The following FBXO5 variants were observed in gnomAD, a reference collection of about 807,000 sequenced individuals.
The protein encoded by FBXO5 is F-box only protein 5.
A neutral mutation model predicts 43.3 loss-of-function variants in FBXO5; 8 were observed. The ratio of observed to expected loss-of-function variants is 0.18; its 90% confidence interval spans 0.11 to 0.33. The LOEUF (loss-of-function observed/expected upper bound fraction) is 0.33, where lower values mean the gene tolerates loss of function less well. Among genes scored for constraint, FBXO5 ranks in the 10% least tolerant of loss-of-function variants. The pLI, the probability that FBXO5 is intolerant of heterozygous loss-of-function variation, is 1.00. For missense variants in FBXO5, 491 were observed against 535.7 expected, an observed-to-expected ratio of 0.92 and a Z score of 0.82; for synonymous variants, 204 against 193.7, an observed-to-expected ratio of 1.05 and a Z score of -0.44.
At chr6:152,971,602 C>CT (rs1778088186) in intron 4 of FBXO5, among the ~76,000 whole-genome samples, 188 bp from the exon 5 acceptor site, 4 of 152,034 alleles carry the variant, frequency 2.6e-5, no homozygotes, top group Admixed American at 1.3e-4. Flanking sequence ...TCAATAAATG[C>CT]TTTTTGAATA....
At position 152,982,941 on chromosome 6, in the gene FBXO5, T is replaced by A. The variant is rs894422641; in HGVS notation, c.19A>T (p.Ser7Cys). The A allele has an allele frequency of 7.0e-7, 1 of 1,429,830 alleles. No individual in the cohort carries two copies. The highest frequency in any genetic ancestry group is 9.1e-7 in the Non-Finnish European group (1 of 1,101,554). 88.6% of individuals were successfully genotyped at this position (1,429,830 alleles called of 1,614,324 possible). Residue 7 changes from serine (S) to cysteine (C), a missense_variant, in exon 1 of 5, where the codon AGC becomes TGC. Transcript: ENST00000229758. ...CAGCGGGGTGGCCGTAGGGCGCAGCTGCAGGGGCGCCGGCTCATGCCAGCC... is the reference window on the plus strand; with the variant it reads ...CAGCGGGGTGGCCGTAGGGCGCAGCAGCAGGGGCGCCGGCTCATGCCAGCC... MSRRPC[S>C]CALRPPRCSC...
At chr6:152,982,796 A>ACCC in intron 1 of FBXO5, 61 bp downstream of exon 1, 2 of 1,204,318 alleles carry the variant, frequency 1.7e-6, no homozygotes, top group South Asian at 3.2e-5. Flanking sequence ...TCAGGCTGCG[A>ACCC]CCCTCCCCGT....
Position 152,974,990 on chromosome 6 carries a change from A to G in FBXO5, c.735T>C (p.Asp245=), listed in dbSNP as rs1778142712. 1 of 1,613,922 alleles carries G rather than the reference A, an allele frequency of 6.2e-7. No individual in the cohort carries two copies. Among genetic ancestry groups the G allele is most frequent in the Admixed American group, 1.7e-5 (1 of 59,988 alleles). The change falls in exon 2 of 5, where the codon GAT becomes GAC. Residue 245 remains aspartate, a synonymous_variant. Coordinates refer to ENST00000229758, the MANE Select transcript of FBXO5 (RefSeq NM_012177.5). Reference sequence around the variant, plus strand: ...CCCTTCGAAAGAGTTCGCTGAGAATATCTACACATTCTAGGCCCATTTTTC... The same window carrying G: ...CCCTTCGAAAGAGTTCGCTGAGAATGTCTACACATTCTAGGCCCATTTTTC... ...IGRKMGLECV[D]ILSELFRRGL...
intron 2 of FBXO5, 23 bp downstream of exon 2, chr6:152,974,884 T>C (rs950613626): frequency 2.6e-6 from 4 of 1,532,266 alleles, no homozygotes; most frequent in Admixed American, 2.0e-5. Context: ...TATGCTAATA[T>C]GTATATTCAA....
Position 152,972,266 on chromosome 6 carries a change from A to T in FBXO5, c.1092+6T>A, listed in dbSNP as rs188568486. ...TTTTAAGATTTATGATTAGACAAAAAATTACCTCAGAGAATTCATTGTGTC... is the reference window on the plus strand; with the variant it reads ...TTTTAAGATTTATGATTAGACAAAATATTACCTCAGAGAATTCATTGTGTC... On this transcript the variant is annotated splice_donor_region_variant and intron_variant, in intron 4 of 4. Coordinates refer to ENST00000229758, the MANE Select transcript of FBXO5 (RefSeq NM_012177.5). 6.7e-3 allele frequency: 10,689 copies of T among 1,597,198 alleles called. 330 individuals carry two copies. In the South Asian group the frequency reaches 0.072, roughly 11 times the overall value.
chr6:152,975,647 T>A (rs1562291410), intron 1 of FBXO5, 26 bp from the exon 2 acceptor site: 1 of 1,468,932 alleles, frequency 6.8e-7, no homozygotes, highest in Non-Finnish European at 9.1e-7. Context: ...AACATTTACA[T>A]CTTAATGGCA....
At chr6:152,981,738 T>C (rs1283943987) in intron 1 of FBXO5, among the ~76,000 whole-genome samples, 1 of 151,864 alleles carries the variant, frequency 6.6e-6, no homozygotes, top group Non-Finnish European at 1.5e-5. Flanking sequence ...CTTCTAGAAA[T>C]ATATTTAATC....
chr6:152,983,237 C>G (rs925898326), upstream of FBXO5: 6 of 340,358 alleles, frequency 1.8e-5, no homozygotes, highest in Admixed American at 9.7e-5. Context: ...AGCTTACCGG[C>G]TCCCCACGTC....
Position 152,971,338 on chromosome 6 carries a change from T to C in FBXO5, c.1169A>G (p.Tyr390Cys), listed in dbSNP as rs145569691. ...TCGTTTGCAGGTTGCCCGTTGTAAA[T>C]AGCAATCATATTTTGCAGGTGAATT... ...RCNSPAKYDC[Y>C]LQRATCKREG... is the part of the protein sequence containing the mutation. The change falls in exon 5 of 5, where the codon TAT (tyrosine) becomes TGT (cysteine). Residue 390 changes from tyrosine (Y) to cysteine (C), a missense_variant. Transcript: ENST00000229758. 1.2e-4 allele frequency: 195 copies of C among 1,613,884 alleles called. 2 individuals are homozygous for C. The highest frequency in any genetic ancestry group is 3.3e-5 in the Non-Finnish European group (39 of 1,179,952).
Position 152,971,270 on chromosome 6 carries a change from A to G in FBXO5, c.1237T>C (p.Tyr413His). The G allele has an allele frequency of 6.2e-7, 1 of 1,614,098 alleles. No individual in the cohort carries two copies. Among genetic ancestry groups the G allele is most frequent in the Non-Finnish European group, 8.5e-7 (1 of 1,179,962 alleles). ...FDYCTKCLCN[Y>H]HTTKDCSDGK... ...TCTGAACAGTCTTTAGTAGTATGAT[A>G]ATTACAGAGACACTTCGTACAATAA... Residue 413 changes from tyrosine to histidine, a missense_variant, in exon 5 of 5, where the codon TAT becomes CAT. Tyr to His is a moderately conservative substitution (Grantham distance 83). Coordinates refer to ENST00000229758, the MANE Select transcript of FBXO5 (RefSeq NM_012177.5).
chr6:152,974,589 T>C (rs1336521819), intron 2 of FBXO5, among the ~76,000 whole-genome samples: 1 of 152,168 alleles, frequency 6.6e-6, no homozygotes, highest in African/African-American at 2.4e-5. Flanking sequence ...TTAAACAACA[T>C]TGTAAGGTTA....
Position 152,975,256 on chromosome 6 carries a change from T to C in FBXO5, c.469A>G (p.Ser157Gly), listed in dbSNP as rs770948682. The C allele has an allele frequency of 1.2e-6, 2 of 1,614,178 alleles. No individual in the cohort carries two copies. The highest frequency in any genetic ancestry group is 1.7e-6 in the Non-Finnish European group (2 of 1,180,024). ...AGGAGGCTACCTTCTTCATGTTCAC[T>C]GAGGCCACTTTGTAGAGAAAATGAG... ...YSSFSLQSGL[S>G]EHEEGSLLEE... The change falls in exon 2 of 5, where the codon AGT becomes GGT. Residue 157 changes from serine (S) to glycine (G), a missense_variant. By Grantham distance (56) the Ser-to-Gly change is moderately conservative (BLOSUM62 0). Coordinates refer to ENST00000229758, the MANE Select transcript of FBXO5 (RefSeq NM_012177.5).
In FBXO5 at chr6:152,972,391, G is replaced by C; in HGVS notation, c.973C>G (p.Leu325Val). 6.2e-7 allele frequency: 1 copy of C among 1,612,660 alleles called. No homozygotes were observed. Among genetic ancestry groups the C allele is most frequent in the Non-Finnish European group, 8.5e-7 (1 of 1,179,036 alleles). The change falls in exon 4 of 5, where the codon CTG becomes GTG. Residue 325 changes from leucine to valine, a missense_variant. Physicochemically the swap from Leu to Val is conservative, Grantham distance 32. Coordinates refer to ENST00000229758, the MANE Select transcript of FBXO5 (RefSeq NM_012177.5). ...TREYVMFRTP[L>V]ASVQKSAAQT... The stretch of plus-strand genomic sequence containing the variant: ...GCTGCTGATTTCTGAACAGAAGCCA[G>C]TGGGGTTCTGAACATAACATATTCT...
Position 152,971,123 on chromosome 6 carries a change from A to G in FBXO5, c.*40T>C. 1 of 1,540,842 alleles carries G rather than the reference A, an allele frequency of 6.5e-7. No homozygotes were observed. Among genetic ancestry groups the G allele is most frequent in the African/African-American group, 1.4e-5 (1 of 72,080 alleles). On this transcript the variant is annotated 3_prime_UTR_variant, in exon 5 of 5. Transcript: ENST00000229758. ...TTAAGTTAAAACCTAACATTTTCTA[A>G]CTAACATTCATGATCAGTAACAATT... is the stretch of plus-strand genomic sequence containing the variant.
Position 152,982,550 on chromosome 6 carries a change from AG to A in FBXO5, c.103+306del, listed in dbSNP as rs535858777. On this transcript the variant is annotated intron_variant, in intron 1 of 4. Transcript: ENST00000229758. ...GGTGGGGTAGGTGGGTCTTCCGAGG[AG>A]GAAAAAGGGCGCCCTGGGATGCCAC... Among the ~76,000 whole-genome samples, 280 of 151,904 alleles carry A rather than the reference AG, an allele frequency of 1.8e-3. 1 individual carries two copies. Among genetic ancestry groups the A allele is most frequent in the African/African-American group, 6.4e-3 (265 of 41,432 alleles).
intron 3 of FBXO5, 123 bp downstream of exon 3, chr6:152,972,923 G>T: frequency 1.7e-6 from 1 of 597,566 alleles, no homozygotes. Context: ...CTAAGTTCCA[G>T]TATAAGGCTG....
rs1778139789 is a variant in FBXO5, at chr6:152,974,898, A to G, written c.818+9T>C. Reference sequence around the variant, plus strand: ...TTATGCTAATATGTATATTCAAAACAGTACTTACTTGATTAAGTCCATGTC... The same window carrying G: ...TTATGCTAATATGTATATTCAAAACGGTACTTACTTGATTAAGTCCATGTC... On this transcript the variant is annotated intron_variant, in intron 2 of 4. Coordinates refer to ENST00000229758, the MANE Select transcript of FBXO5 (RefSeq NM_012177.5). 1 of 1,566,740 alleles carries G rather than the reference A, an allele frequency of 6.4e-7. No individual in the cohort carries two copies. Among genetic ancestry groups the G allele is most frequent in the South Asian group, 1.2e-5 (1 of 82,146 alleles).
Position 152,972,020 on chromosome 6 carries a change from G to A in FBXO5, c.1092+252C>T, listed in dbSNP as rs560961689. ...AATATTCATAGAAATACATTTCTAC[G>A]TACTTTCCTAATTTCATGTTTCTTT... On this transcript the variant is annotated intron_variant, in intron 4 of 4. Transcript: ENST00000229758. 1.6e-4 allele frequency among the ~76,000 whole-genome samples: 25 copies of A among 152,178 alleles called. 1 individual carries two copies. The highest frequency in any genetic ancestry group is 5.5e-4 in the African/African-American group (23 of 41,524).
In FBXO5 at chr6:152,982,878, C is replaced by T. The variant is rs1213599800; in HGVS notation, c.82G>A (p.Gly28Arg). 2.0e-6 allele frequency: 3 copies of T among 1,511,696 alleles called. No individual in the cohort carries two copies. The highest frequency in any genetic ancestry group is 1.2e-5 in the South Asian group (1 of 82,284). 93.6% of individuals were successfully genotyped at this position (1,511,696 alleles called of 1,614,324 possible). A position where few individuals can be genotyped will look rare whatever the true frequency, so the allele number is the denominator to read the frequency against. The change falls in exon 1 of 5, where the codon GGG becomes AGG. Residue 28 changes from glycine (G) to arginine (R), a missense_variant. Transcript: ENST00000229758. ...SASPSAVTAA[G>R]RPRPSDSCKE... ...TCACTATCCGAGGGTCGAGGGCGCC[C>T]GGCGGCTGTCACTGCGCTGGGGCTG...
Sources: allele counts gnomAD v4.1 joint callset (sites outside exome capture counted in the v4.1 genomes callset), GRCh38; gene constraint gnomAD v4.1.1; transcripts MANE v1.5; gene names NCBI Gene and HGNC (gene_info 2026-07-23, HGNC 2026-07-21).